The following TLE1 variants were observed in gnomAD, a reference collection of about 807,000 sequenced individuals.
TLE1 encodes transducin-like enhancer protein 1.
TLE1 carries 21 observed loss-of-function variants against 89.8 expected under a neutral mutation model. The ratio of observed to expected loss-of-function variants is 0.23; its 90% CI spans 0.17 to 0.34. The LOEUF (loss-of-function observed/expected upper bound fraction) is 0.34, where lower values mean the gene tolerates loss of function less well. Ranked by LOEUF, TLE1 falls within the 10% of genes least tolerant of loss-of-function variation. TLE1 has a pLI of 1.00. For missense variants in TLE1, 795 were observed against 1,031.2 expected (o/e 0.77, Z 3.14); for synonymous variants, 447 against 407.6 (o/e 1.10, Z -1.16).
intron 6 of TLE1, 68 bp from the exon 7 acceptor site, chr9:81,634,369 T>C (rs765086994): frequency 2.3e-6 from 3 of 1,294,898 alleles, no homozygotes; most frequent in South Asian, 1.9e-5. Flanking sequence ...GTGATGGCGA[T>C]GGAGGCGGCA....
intron 4 of TLE1, among the ~76,000 whole-genome samples, chr9:81,661,353 G>A (rs538332218): frequency 8.6e-5 from 13 of 151,536 alleles, no homozygotes; most frequent in Admixed American, 4.6e-4. Context: ...CTCAGCGCCC[G>A]CACACTTCCC....
intron 4 of TLE1, among the ~76,000 whole-genome samples, chr9:81,657,280 G>A (rs1271992550): frequency 6.6e-6 from 1 of 152,062 alleles, no homozygotes; most frequent in African/African-American, 2.4e-5. Flanking sequence ...TTTTTTTGCT[G>A]TATAGAACTT....
At chr9:81,665,038 A>G (rs1831288814) in intron 4 of TLE1, among the ~76,000 whole-genome samples, 1 of 152,204 alleles carries the variant, frequency 6.6e-6, no homozygotes, top group Non-Finnish European at 1.5e-5. Flanking sequence ...CCCTGGGAGA[A>G]CAGACTAAAA....
intron 6 of TLE1, among the ~76,000 whole-genome samples, chr9:81,644,949 G>C (rs1470404796): frequency 7.6e-6 from 1 of 131,864 alleles, no homozygotes; most frequent in Non-Finnish European, 1.5e-5. Context: ...AGCCGATATC[G>C]CACCACTGCA....
At chr9:81,607,999 A>C (rs905169877) in intron 14 of TLE1, among the ~76,000 whole-genome samples, 8 of 152,234 alleles carry the variant, frequency 5.3e-5, no homozygotes, top group South Asian at 4.1e-4. Context: ...CGGCTTTCCT[A>C]AAAAGCAGGT....
At chr9:81,600,009 G>A in intron 14 of TLE1, 1 of 658,232 alleles carries the variant, frequency 1.5e-6, no homozygotes, top group Non-Finnish European at 2.8e-6. Context: ...AAATGAGGAA[G>A]TATTCCAGCC....
At chr9:81,678,113 A>G (rs978138012) in intron 4 of TLE1, among the ~76,000 whole-genome samples, 1 of 152,242 alleles carries the variant, frequency 6.6e-6, no homozygotes, top group Non-Finnish European at 1.5e-5. Flanking sequence ...GCTGTTTTTT[A>G]TACCTACTAT....
At position 81,653,958 on chromosome 9, in the gene TLE1, G is replaced by T; in HGVS notation, c.297+16C>A. ...GCAACATAATTGCACTTTAACAGCTGAACAATTTTACTTACTTCCTGAGAC... is the reference window on the plus strand; with the variant it reads ...GCAACATAATTGCACTTTAACAGCTTAACAATTTTACTTACTTCCTGAGAC... On this transcript the variant is annotated intron_variant, in intron 5 of 19. Coordinates refer to ENST00000376499, the MANE Select transcript of TLE1 (RefSeq NM_005077.5). The T allele has an allele frequency of 6.2e-7, 1 of 1,612,874 alleles. No homozygotes were observed. The highest frequency in any genetic ancestry group is 8.5e-7 in the Non-Finnish European group (1 of 1,179,130).
chr9:81,686,808 G>A (rs1420155495), intron 2 of TLE1, among the ~76,000 whole-genome samples: 2 of 152,064 alleles, frequency 1.3e-5, no homozygotes, highest in East Asian at 3.9e-4. Context: ...CCGAAATGAC[G>A]CCAAAGCAGG....
At chr9:81,647,736 T>C (rs1191032547) in intron 6 of TLE1, among the ~76,000 whole-genome samples, 2 of 152,146 alleles carry the variant, frequency 1.3e-5, no homozygotes, top group Non-Finnish European at 2.9e-5. Context: ...GTTAACTGAC[T>C]ATATGAGGTC....
intron 8 of TLE1, among the ~76,000 whole-genome samples, chr9:81,622,223 G>A (rs1302228471): frequency 6.6e-6 from 1 of 152,170 alleles, no homozygotes; most frequent in African/African-American, 2.4e-5. Context: ...TCAGCCCCGA[G>A]GTCTCCTCCT....
chr9:81,619,724 G>T (rs956636307), intron 9 of TLE1, among the ~76,000 whole-genome samples: 4 of 152,186 alleles, frequency 2.6e-5, no homozygotes, highest in African/African-American at 9.7e-5. Context: ...CGGCTGCAAT[G>T]TTTATAACCC....
In TLE1 at chr9:81,616,030, C is replaced by A. The variant is rs755701794; in HGVS notation, c.870G>T (p.Thr290=). ...KKDASSSPAS[T]ASSASSTSLK... ...AAGAAGTGGAACTTGCCGAGGAGGC[C>A]GTGGAAGCTGGACTGCTAGAAGCAT... Residue 290 remains threonine, a synonymous_variant, in exon 11 of 20, where the codon ACG becomes ACT. Transcript: ENST00000376499. 2 of 1,613,886 alleles carry A rather than the reference C, an allele frequency of 1.2e-6. No individual in the cohort carries two copies. Among genetic ancestry groups the A allele is most frequent in the South Asian group, 2.2e-5 (2 of 91,004 alleles).
chr9:81,664,245 C>T (rs1256632469), intron 4 of TLE1, among the ~76,000 whole-genome samples: 1 of 149,058 alleles, frequency 6.7e-6, no homozygotes, highest in Non-Finnish European at 1.5e-5. Flanking sequence ...CAAGACACTG[C>T]CTCTACCAAA....
At chr9:81,604,260 A>G (rs1008276929) in intron 14 of TLE1, among the ~76,000 whole-genome samples, 12 of 152,150 alleles carry the variant, frequency 7.9e-5, no homozygotes, top group African/African-American at 2.9e-4. Context: ...CCCTATGCCT[A>G]TGCAGGAGGT....
chr9:81,663,628 T>TC (rs931318372), intron 4 of TLE1, among the ~76,000 whole-genome samples: 1 of 150,862 alleles, frequency 6.6e-6, no homozygotes, highest in African/African-American at 2.4e-5. Context: ...TAGACTTTTT[T>TC]TTTTTTTTTT....
chr9:81,612,875 T>C (rs569977409), intron 12 of TLE1, among the ~76,000 whole-genome samples: 93 of 152,282 alleles, frequency 6.1e-4, no homozygotes, highest in Middle Eastern at 3.4e-3. Flanking sequence ...CTGGCCAACA[T>C]GGTGAAACCC....
intron 4 of TLE1, among the ~76,000 whole-genome samples, chr9:81,676,271 A>C (rs1267128059): frequency 6.6e-6 from 1 of 152,202 alleles, no homozygotes; most frequent in East Asian, 1.9e-4. Context: ...CGGGAAGGGT[A>C]GATGGAAGTC....
At chr9:81,639,371 T>C (rs1827801968) in intron 6 of TLE1, among the ~76,000 whole-genome samples, 2 of 152,232 alleles carry the variant, frequency 1.3e-5, no homozygotes, top group Admixed American at 1.3e-4. Flanking sequence ...GGCCTGCATC[T>C]GTACTCTCTA....
Sources: gnomAD v4.1 joint callset for allele counts (sites outside exome capture counted in the v4.1 genomes callset) on GRCh38, gnomAD v4.1.1 for gene constraint, MANE v1.5 for transcripts, NCBI Gene and HGNC (gene_info 2026-07-23, HGNC 2026-07-21) for gene names.